Variants in AAK1 observed in about 807,000 individuals in gnomAD.
AAK1 encodes AP2-associated protein kinase 1.
A neutral mutation model predicts 116.0 loss-of-function variants in AAK1; 37 were observed. The ratio of observed to expected loss-of-function variants is 0.32; its 90% CI spans 0.25 to 0.42. The LOEUF (loss-of-function observed/expected upper bound fraction) is 0.42. AAK1 is among the 10% of genes least tolerant of loss of function. The pLI is 1.00. For missense variants in AAK1, 919 were observed against 1,170.6 expected (o/e 0.79, Z 3.14); for synonymous variants, 458 against 439.9 (o/e 1.04, Z -0.51).
rs2104876951 is a variant in AAK1 at position 69,473,448 on chromosome 2, T to C, written c.*2421A>G. On this transcript the variant is annotated 3_prime_UTR_variant, in exon 22 of 22. Coordinates refer to ENST00000409085, the MANE Select transcript of AAK1 (RefSeq NM_014911.5). Reference sequence around the variant, plus strand: ...TCATATGTGTTCCTTAACAGAAAAATAGTTCTCCCCTTTGAGGAGGCCTTA... The same window carrying C: ...TCATATGTGTTCCTTAACAGAAAAACAGTTCTCCCCTTTGAGGAGGCCTTA... 1.0e-6 allele frequency: 1 copy of C among 985,392 alleles called. No individual in the cohort carries two copies. The highest frequency in any genetic ancestry group is 1.1e-4 in the East Asian group (1 of 8,820). 61.0% of individuals were successfully genotyped at this position (985,392 alleles called of 1,614,324 possible).
At chr2:69,633,303 A>G (rs1172882464) in intron 2 of AAK1, among the ~76,000 whole-genome samples, 2 of 151,454 alleles carry the variant, frequency 1.3e-5, no homozygotes, top group African/African-American at 4.8e-5. Context: ...TCCACTGCTG[A>G]CATCAAGAAG....
At chr2:69,598,064 T>C (rs1673380097) in intron 2 of AAK1, 2 of 603,148 alleles carry the variant, frequency 3.3e-6, no homozygotes, top group Non-Finnish European at 5.0e-6. Context: ...ACACCTTCTT[T>C]ATGGTGACAT....
At chr2:69,493,742 C>G (rs543494606) in intron 17 of AAK1, among the ~76,000 whole-genome samples, 2 of 152,258 alleles carry the variant, frequency 1.3e-5, no homozygotes, top group Middle Eastern at 3.4e-3. Context: ...TGGGAGTGCC[C>G]ATGGGACCAC....
intron 16 of AAK1, among the ~76,000 whole-genome samples, chr2:69,501,656 T>C (rs1317808680): frequency 6.6e-6 from 1 of 152,174 alleles, no homozygotes; most frequent in Non-Finnish European, 1.5e-5. Flanking sequence ...GTGTTCCTCT[T>C]AATATCACCA....
In AAK1 at chr2:69,581,378, G is replaced by A. The variant is rs560707370; in HGVS notation, c.164-24400C>T. On this transcript the variant is annotated intron_variant, in intron 2 of 21. Coordinates refer to ENST00000409085, the MANE Select transcript of AAK1 (RefSeq NM_014911.5). The stretch of plus-strand genomic sequence containing the variant: ...CCCAAAGTGCTGGAATTACAGGAGT[G>A]AGCCACTGCGCCCAGCTGGTTTTGT... Among the ~76,000 whole-genome samples the A allele has an allele frequency of 6.6e-5, 10 of 152,316 alleles. No individual in the cohort carries two copies. In the South Asian group the frequency reaches 2.1e-3, roughly 32 times the overall value.
chr2:69,637,084 C>T (rs1447224626), intron 2 of AAK1, among the ~76,000 whole-genome samples: 1 of 152,234 alleles, frequency 6.6e-6, no homozygotes, highest in Non-Finnish European at 1.5e-5. Context: ...TAGATTATCG[C>T]TATCTCAAAA....
Position 69,474,040 on chromosome 2 carries a change from A to C in AAK1, c.*1829T>G. 1.0e-6 allele frequency: 1 copy of C among 985,890 alleles called. No individual in the cohort carries two copies. Among genetic ancestry groups the C allele is most frequent in the Non-Finnish European group, 1.2e-6 (1 of 829,944 alleles). The allele number at this position is 985,890 out of a possible 1,614,324, so 61.1% of individuals were successfully genotyped here. ...TTACCTAGCTCATCTTGTTTCAGCCAGCACGGGAAGTATTTAAAGACAGAA... is the reference window on the plus strand; with the variant it reads ...TTACCTAGCTCATCTTGTTTCAGCCCGCACGGGAAGTATTTAAAGACAGAA... On this transcript the variant is annotated 3_prime_UTR_variant, in exon 22 of 22. Transcript: ENST00000409085.
Position 69,467,960 on chromosome 2 carries a change from T to G in AAK1, c.*7909A>C. The G allele has an allele frequency of 2.0e-6, 2 of 985,444 alleles. No homozygotes were observed. Among genetic ancestry groups the G allele is most frequent in the Non-Finnish European group, 2.4e-6 (2 of 829,932 alleles). The allele number at this position is 985,444 out of a possible 1,614,324, so 61.0% of individuals were successfully genotyped here. A position where few individuals can be genotyped will look rare whatever the true frequency, so the allele number is the denominator to read the frequency against. ...TTTAAACAGTTCTGACCTTAAATAT[T>G]GTTTTCAGAAACAGAACAAAAATGT... On this transcript the variant is annotated 3_prime_UTR_variant, in exon 22 of 22. Transcript: ENST00000409085.
intron 17 of AAK1, among the ~76,000 whole-genome samples, chr2:69,495,419 C>A (rs1675698288): frequency 6.6e-6 from 1 of 152,166 alleles, no homozygotes; most frequent in Admixed American, 6.5e-5. Flanking sequence ...GATGAAGAAC[C>A]AAGCCCAGAA....
intron 5 of AAK1, 83 bp downstream of exon 5, chr2:69,542,440 T>C (rs1670761208): frequency 6.6e-7 from 1 of 1,511,506 alleles, no homozygotes; most frequent in Non-Finnish European, 9.0e-7. Context: ...ATTTCTCTCA[T>C]ATCCCCACAG....
At chr2:69,511,569 G>A (rs927446746) in intron 13 of AAK1, among the ~76,000 whole-genome samples, 1 of 152,102 alleles carries the variant, frequency 6.6e-6, no homozygotes, top group Non-Finnish European at 1.5e-5. Flanking sequence ...AGGGCTTTGA[G>A]GATACACTGA....
Position 69,465,397 on chromosome 2 carries a change from C to CA in AAK1, c.*10471dup. On this transcript the variant is annotated 3_prime_UTR_variant, in exon 22 of 22. Coordinates refer to ENST00000409085, the MANE Select transcript of AAK1 (RefSeq NM_014911.5). ...GCGGGTATTGAGGGTGGGATAGAGA[C>CA]AAGAGGCTTGAGGCTCAGGTTTTGC... 7.9e-7 allele frequency: 1 copy of CA among 1,260,670 alleles called. No homozygotes were observed. The highest frequency in any genetic ancestry group is 1.0e-6 in the Non-Finnish European group (1 of 972,470). 78.1% of individuals were successfully genotyped at this position (1,260,670 alleles called of 1,614,324 possible).
At chr2:69,551,014 C>T (rs888886204) in intron 3 of AAK1, among the ~76,000 whole-genome samples, 2 of 151,852 alleles carry the variant, frequency 1.3e-5, no homozygotes, top group African/African-American at 2.4e-5. Context: ...TATAGTGAAC[C>T]ACATTTATTG....
At chr2:69,495,185 C>T (rs941420293) in intron 17 of AAK1, among the ~76,000 whole-genome samples, 25 of 152,112 alleles carry the variant, frequency 1.6e-4, no homozygotes, top group Admixed American at 1.6e-3. Flanking sequence ...AGAGAAAGGG[C>T]GGCTTCTCTT....
intron 16 of AAK1, among the ~76,000 whole-genome samples, chr2:69,497,292 ATTC>A (rs1675782836): frequency 9.3e-6 from 1 of 107,430 alleles, no homozygotes; most frequent in African/African-American, 4.3e-5. Context: ...TTACATTATC[ATTC>A]TTTTTTTTTT....
chr2:69,580,209 A>C (rs894372576), intron 2 of AAK1, among the ~76,000 whole-genome samples: 5 of 152,210 alleles, frequency 3.3e-5, no homozygotes, highest in African/African-American at 1.2e-4. Context: ...GTGTACTCTC[A>C]GAACAGAAAC....
chr2:69,458,764 CAA>C lies in AAK1; in HGVS notation c.*17103_*17104del, dbSNP rs1010561817. On this transcript the variant is annotated 3_prime_UTR_variant, in exon 22 of 22. Transcript: ENST00000409085. ...CTCAAATAGGAATCTCTGGTAGACT[CAA>C]AGAGTACAGCTGATTTGCCATTTCA... 2 of 152,562 alleles carry C rather than the reference CAA, an allele frequency of 1.3e-5. No homozygotes were observed. The highest frequency in any genetic ancestry group is 2.4e-5 in the African/African-American group (1 of 41,418). The allele number at this position is 152,562 out of a possible 1,614,324, so 9.5% of individuals were successfully genotyped here. A position where few individuals can be genotyped will look rare whatever the true frequency, so the allele number is the denominator to read the frequency against.
At position 69,470,811 on chromosome 2, in the gene AAK1, C is replaced by T; in HGVS notation, c.*5058G>A. ...GCTATACTTTTCTTGTGCCCAGGTACTTATTGTCACTCAATACTGTGATTA... is the reference window on the plus strand; with the variant it reads ...GCTATACTTTTCTTGTGCCCAGGTATTTATTGTCACTCAATACTGTGATTA... On this transcript the variant is annotated 3_prime_UTR_variant, in exon 22 of 22. Coordinates refer to ENST00000409085, the MANE Select transcript of AAK1 (RefSeq NM_014911.5). The T allele has an allele frequency of 1.0e-6, 1 of 985,810 alleles. No homozygotes were observed. The highest frequency in any genetic ancestry group is 1.2e-6 in the Non-Finnish European group (1 of 829,918). 61.1% of individuals were successfully genotyped at this position (985,810 alleles called of 1,614,324 possible).
Position 69,466,879 on chromosome 2 carries a change from T to C in AAK1, c.*8990A>G. 2 of 985,398 alleles carry C rather than the reference T, an allele frequency of 2.0e-6. No individual in the cohort carries two copies. Among genetic ancestry groups the C allele is most frequent in the Non-Finnish European group, 2.4e-6 (2 of 829,936 alleles). 61.0% of individuals were successfully genotyped at this position (985,398 alleles called of 1,614,324 possible). A position where few individuals can be genotyped will look rare whatever the true frequency, so the allele number is the denominator to read the frequency against. On this transcript the variant is annotated 3_prime_UTR_variant, in exon 22 of 22. Transcript: ENST00000409085. ...ACCTGCTCTACCTGGCACTGGCTCA[T>C]TATGGAATGAAAACAAACCCAGTCA... is the stretch of plus-strand genomic sequence containing the variant.
Sources: allele counts gnomAD v4.1 joint callset (sites outside exome capture counted in the v4.1 genomes callset), GRCh38; gene constraint gnomAD v4.1.1; transcripts MANE v1.5; gene names NCBI Gene and HGNC (gene_info 2026-07-23, HGNC 2026-07-21).